The following PER3 variants were observed in gnomAD, a reference collection of about 807,000 sequenced individuals.
The protein encoded by PER3 is period circadian regulator 3.
Under a neutral mutation model 127.2 loss-of-function variants are expected in PER3, and 107 were observed. The observed-to-expected ratio is 0.84, with a 90% CI of 0.72 to 0.99. PER3 has a LOEUF of 0.99. Among genes scored for constraint, PER3 ranks in the 50% least tolerant of loss-of-function variants. PER3 has a pLI of 0.00. For synonymous variants in PER3, 618 were observed against 585.8 expected (o/e 1.05, Z -0.79); for missense variants, 1,560 against 1,525.8 (o/e 1.02, Z -0.37).
rs2097398055 is a variant in PER3, at chr1:7,842,846, T to TTA, written c.*93_*94dup. On this transcript the variant is annotated 3_prime_UTR_variant, in exon 22 of 22. Coordinates refer to ENST00000377532, the MANE Select transcript of PER3 (RefSeq NM_001377275.1). ...CCTGGACTTTTAAATGACCATGAAG[T>TTA]TATCATTGAATGTTAAGATTTTTTC... is the stretch of plus-strand genomic sequence containing the variant. 2 of 1,030,938 alleles carry TTA rather than the reference T, an allele frequency of 1.9e-6. No homozygotes were observed. The highest frequency in any genetic ancestry group is 2.8e-6 in the Non-Finnish European group (2 of 719,032). The allele number at this position is 1,030,938 out of a possible 1,614,324, so 63.9% of individuals were successfully genotyped here. A position where few individuals can be genotyped will look rare whatever the true frequency, so the allele number is the denominator to read the frequency against.
At chr1:7,822,436 G>C (rs2097281483) in intron 16 of PER3, among the ~76,000 whole-genome samples, 2 of 151,812 alleles carry the variant, frequency 1.3e-5, no homozygotes, top group African/African-American at 2.4e-5. Context: ...TGTATTTTTA[G>C]TAGAGATGAT....
chr1:7,811,662 C>G (rs2097219898), intron 13 of PER3: 1 of 152,192 alleles, frequency 6.6e-6, no homozygotes, highest in Admixed American at 6.5e-5. Context: ...CCTTCTAGCC[C>G]TTTTGAAAGG....
In PER3 at chr1:7,844,196, A is replaced by AAGT; in HGVS notation, c.*1445_*1447dup. 5.3e-6 allele frequency: 1 copy of AAGT among 189,626 alleles called. No individual in the cohort carries two copies. Among genetic ancestry groups the AAGT allele is most frequent in the Non-Finnish European group, 1.1e-5 (1 of 91,418 alleles). 11.7% of individuals were successfully genotyped at this position (189,626 alleles called of 1,614,324 possible). On this transcript the variant is annotated 3_prime_UTR_variant, in exon 22 of 22. Transcript: ENST00000377532. ...TCCTCATAGCTCAGATCTCCTTTCA[A>AAGT]AGTAGTGGCTTTCTGGATGGTAATT... is the stretch of plus-strand genomic sequence containing the variant.
intron 6 of PER3, among the ~76,000 whole-genome samples, chr1:7,794,246 T>A (rs1255022924): frequency 6.6e-6 from 1 of 152,130 alleles, no homozygotes; most frequent in African/African-American, 2.4e-5. Context: ...CCTAGCACTT[T>A]GAGAGGCAGA....
intron 6 of PER3, among the ~76,000 whole-genome samples, chr1:7,796,374 A>G (rs2097145721): frequency 7.5e-6 from 1 of 132,698 alleles, no homozygotes; most frequent in Non-Finnish European, 1.5e-5. Flanking sequence ...GCTGGAGTGC[A>G]GTGGCACGAT....
chr1:7,808,769 T>C, intron 10 of PER3, 124 bp from the exon 11 acceptor site: 1 of 653,416 alleles, frequency 1.5e-6, no homozygotes, highest in Non-Finnish European at 2.8e-6. Flanking sequence ...AGCCTCATAT[T>C]TTTTCTTTGG....
At chr1:7,807,110 C>T (rs1577755856) in intron 10 of PER3, among the ~76,000 whole-genome samples, 1 of 152,104 alleles carries the variant, frequency 6.6e-6, no homozygotes, top group East Asian at 1.9e-4. Flanking sequence ...TACTGAAGAT[C>T]CAGGAGTGAA....
intron 5 of PER3, among the ~76,000 whole-genome samples, chr1:7,790,002 C>T (rs707463): frequency 0.4 from 60,911 of 152,100 alleles, 13,016 homozygotes; most frequent in African/African-American, 0.55. Context: ...TTAATAATCA[C>T]GTGGGTCAAG....
Position 7,809,946 on chromosome 1 carries a change from G to T in PER3, c.1296G>T (p.Ser432=), listed in dbSNP as rs139242507. ...ACGGGAGCCTGGGGAGCAGCGGGTC[G>T]CAGGAGCAGCTTGTCAGCATCGCCT... is the stretch of plus-strand genomic sequence containing the variant. ...SGYGSLGSSG[S]QEQLVSIASS... is the part of the protein sequence containing the mutation. Residue 432 remains serine, a synonymous_variant, in exon 12 of 22, where the codon TCG becomes TCT. Transcript: ENST00000377532. 6.2e-7 allele frequency: 1 copy of T among 1,613,972 alleles called. No homozygotes were observed. Among genetic ancestry groups the T allele is most frequent in the Non-Finnish European group, 8.5e-7 (1 of 1,179,868 alleles).
In PER3 at chr1:7,809,945, C is replaced by A; in HGVS notation, c.1295C>A (p.Ser432Ter). ...TACGGGAGCCTGGGGAGCAGCGGGT[C>A]GCAGGAGCAGCTTGTCAGCATCGCC... ...SGYGSLGSSG[S>*]QEQLVSIASS... The change falls in exon 12 of 22, where the codon TCG becomes TAG. Residue 432 changes from serine to a stop codon, truncating the protein, a stop_gained. Coordinates refer to ENST00000377532, the MANE Select transcript of PER3 (RefSeq NM_001377275.1). LOFTEE classifies it high-confidence loss of function. 1 of 1,613,972 alleles carries A rather than the reference C, an allele frequency of 6.2e-7. No individual in the cohort carries two copies. Among genetic ancestry groups the A allele is most frequent in the Non-Finnish European group, 8.5e-7 (1 of 1,179,900 alleles).
At chr1:7,794,568 G>A (rs1305356084) in intron 6 of PER3, among the ~76,000 whole-genome samples, 1 of 152,172 alleles carries the variant, frequency 6.6e-6, no homozygotes, top group Non-Finnish European at 1.5e-5. Context: ...GAGTGTATAA[G>A]AATCACTAGA....
chr1:7,806,927 A>G (rs1227182477), intron 10 of PER3, among the ~76,000 whole-genome samples: 2 of 150,906 alleles, frequency 1.3e-5, no homozygotes, highest in African/African-American at 4.9e-5. Flanking sequence ...AATCTGTTCT[A>G]TTTCCATTTC....
chr1:7,811,297 C>T (rs1258745029), intron 13 of PER3, among the ~76,000 whole-genome samples: 1 of 152,120 alleles, frequency 6.6e-6, no homozygotes, highest in Non-Finnish European at 1.5e-5. Flanking sequence ...AGACGTTTTA[C>T]ACAGTGGGGT....
At chr1:7,803,907 A>G in intron 10 of PER3, 59 bp downstream of exon 10, 1 of 1,411,986 alleles carries the variant, frequency 7.1e-7, no homozygotes, top group South Asian at 1.2e-5. Flanking sequence ...AATATTCCTT[A>G]GCTTATTGAC....
chr1:7,814,731 C>A (rs148515378), intron 13 of PER3, among the ~76,000 whole-genome samples: 2,045 of 152,064 alleles, frequency 0.013, 21 homozygotes, highest in Middle Eastern at 0.068. Flanking sequence ...AAAGCAAAAC[C>A]AGCAAACTGG....
intron 21 of PER3, among the ~76,000 whole-genome samples, chr1:7,839,725 C>G (rs561452891): frequency 6.6e-6 from 1 of 152,238 alleles, no homozygotes; most frequent in Non-Finnish European, 1.5e-5. Context: ...CTGGCCTCCA[C>G]AGTTTCTGAT....
chr1:7,841,057 T>C (rs756935385), intron 21 of PER3, among the ~76,000 whole-genome samples: 26 of 152,184 alleles, frequency 1.7e-4, no homozygotes, highest in Admixed American at 3.3e-4. Flanking sequence ...CTGGGCCACA[T>C]TGTAAGAAGA....
Position 7,786,940 on chromosome 1 carries a change from A to G in PER3, c.390+104A>G, listed in dbSNP as rs11579477. The G allele has an allele frequency of 5.8e-3, 4,069 of 696,944 alleles. 27 individuals carry two copies. Among genetic ancestry groups the G allele is most frequent in the Middle Eastern group, 0.022 (92 of 4,132 alleles). The allele number at this position is 696,944 out of a possible 1,614,324, so 43.2% of individuals were successfully genotyped here. The stretch of plus-strand genomic sequence containing the variant: ...GGATAACAACGTTTCAGCAACCACA[A>G]TTTGAGAGAAGCAAAGGAGGAACTG... On this transcript the variant is annotated intron_variant, in intron 4 of 21. Coordinates refer to ENST00000377532, the MANE Select transcript of PER3 (RefSeq NM_001377275.1).
At chr1:7,810,398 T>G in intron 12 of PER3, 40 bp from the exon 13 acceptor site, 1 of 1,454,730 alleles carries the variant, frequency 6.9e-7, no homozygotes, top group Non-Finnish European at 9.4e-7. Flanking sequence ...TGGACATTTT[T>G]ATAATTTTTG....
Sources: allele counts gnomAD v4.1 joint callset (sites outside exome capture counted in the v4.1 genomes callset), GRCh38; gene constraint gnomAD v4.1.1; transcripts MANE v1.5; gene names NCBI Gene and HGNC (gene_info 2026-07-23, HGNC 2026-07-21).